Variants in ARID3A observed in about 807,000 individuals in gnomAD.
ARID3A encodes AT-rich interaction domain 3A.
Under a neutral mutation model 52.7 loss-of-function variants are expected in ARID3A, and 11 were observed. That is an observed-to-expected ratio of 0.21 (90% CI 0.13 to 0.35). The LOEUF is 0.35. ARID3A is among the 10% of genes least tolerant of loss of function. The pLI, the probability that ARID3A is intolerant of heterozygous loss-of-function variation, is 1.00. For synonymous variants in ARID3A, 404 were observed against 359.4 expected (o/e 1.12, Z -1.40); for missense variants, 721 against 838.5 (o/e 0.86, Z 1.73).
Position 952,604 on chromosome 19 carries a change from G to A in ARID3A, c.694-7488G>A, listed in dbSNP as rs571032163. Among the ~76,000 whole-genome samples the A allele has an allele frequency of 2.6e-5, 4 of 152,246 alleles. No homozygotes were observed. In the East Asian group the frequency reaches 7.7e-4, roughly 29 times the overall value. ...ACGCTAGACACTTGGATTCTTTCTTGGATTTCCCTGAATTCTGTGGCCAAA... is the reference window on the plus strand; with the variant it reads ...ACGCTAGACACTTGGATTCTTTCTTAGATTTCCCTGAATTCTGTGGCCAAA... On this transcript the variant is annotated intron_variant, in intron 3 of 8. Transcript: ENST00000263620.
intron 1 of ARID3A, among the ~76,000 whole-genome samples, chr19:926,697 C>T (rs2037207606): frequency 6.6e-6 from 1 of 151,098 alleles, no homozygotes; most frequent in Non-Finnish European, 1.5e-5. Flanking sequence ...TGGGTTGGGC[C>T]CGGGCGCCCG....
Position 938,247 on chromosome 19 carries a change from G to T in ARID3A, c.693+5505G>T, listed in dbSNP as rs1237486444. ...AGGATCTCTCCCTCTGCTTTCCAAA[G>T]TAAAGCTTGCTGCCCATGTAACTTG... On this transcript the variant is annotated intron_variant, in intron 3 of 8. Coordinates refer to ENST00000263620, the MANE Select transcript of ARID3A (RefSeq NM_005224.3). This position sits in a 1 kb window ranked among gnomAD's most constrained non-coding sequence, Gnocchi z 4.0. Among the ~76,000 whole-genome samples the T allele has an allele frequency of 1.3e-5, 2 of 152,210 alleles. No homozygotes were observed. The highest frequency in any genetic ancestry group is 2.9e-5 in the Non-Finnish European group (2 of 68,040).
rs2037581188 is a variant in ARID3A at position 942,638 on chromosome 19, G to A, written c.693+9896G>A. Among the ~76,000 whole-genome samples the A allele has an allele frequency of 6.6e-6, 1 of 152,220 alleles. No individual in the cohort carries two copies. The highest frequency in any genetic ancestry group is 1.9e-4 in the East Asian group (1 of 5,190). ...GTGGGCACAGGTGGGTGGGCAGGGA[G>A]TAGGTGGAGGCCGCCCCTCCCACTG... On this transcript the variant is annotated intron_variant, in intron 3 of 8. Transcript: ENST00000263620. The surrounding 1 kb of genome is among the most constrained non-coding windows in gnomAD (Gnocchi z 8.1).
At chr19:954,473 C>G (rs1054970209) in intron 3 of ARID3A, among the ~76,000 whole-genome samples, 2 of 152,258 alleles carry the variant, frequency 1.3e-5, no homozygotes, top group African/African-American at 4.8e-5. Flanking sequence ...GTTCATTTAA[C>G]ATGCATTTAT....
At chr19:971,482 C>T (rs945596612) in intron 8 of ARID3A, among the ~76,000 whole-genome samples, 2 of 151,608 alleles carry the variant, frequency 1.3e-5, no homozygotes, top group African/African-American at 2.4e-5. Flanking sequence ...TAGTGGCAGG[C>T]GCCTGTAGTT....
Position 972,723 on chromosome 19 carries a change from A to G in ARID3A, c.*658A>G. 1 of 198,806 alleles carries G rather than the reference A, an allele frequency of 5.0e-6. No homozygotes were observed. Among genetic ancestry groups the G allele is most frequent in the Non-Finnish European group, 1.0e-5 (1 of 97,858 alleles). 12.3% of individuals were successfully genotyped at this position (198,806 alleles called of 1,614,324 possible). On this transcript the variant is annotated 3_prime_UTR_variant, in exon 9 of 9. Transcript: ENST00000263620. ...CTTGGGGGGATCAAACCTTAGGAAA[A>G]GGATATCTATATATCTATATAGCTA...
intron 3 of ARID3A, among the ~76,000 whole-genome samples, chr19:936,697 C>T (rs1398048383): frequency 6.6e-6 from 1 of 152,180 alleles, no homozygotes; most frequent in East Asian, 1.9e-4. Flanking sequence ...AAAAAATTAG[C>T]CGGGCGTGGC....
At chr19:958,530 A>G (rs1599416553) in intron 3 of ARID3A, among the ~76,000 whole-genome samples, 1 of 152,160 alleles carries the variant, frequency 6.6e-6, no homozygotes, top group South Asian at 2.1e-4. Context: ...AAACGGGGGA[A>G]CTTACTGACA....
At chr19:968,720 T>C in intron 8 of ARID3A, 1 of 501,568 alleles carries the variant, frequency 2.0e-6, no homozygotes, top group Non-Finnish European at 3.6e-6. Context: ...CGTCCACAGA[T>C]ACATATTCAG....
At chr19:930,862 C>G (rs1264376041) in intron 2 of ARID3A, among the ~76,000 whole-genome samples, 2 of 152,112 alleles carry the variant, frequency 1.3e-5, no homozygotes, top group African/African-American at 4.8e-5. Flanking sequence ...ATGGCTACAG[C>G]AGATTCAGCG....
intron 3 of ARID3A, among the ~76,000 whole-genome samples, chr19:954,803 C>T (rs1044050176): frequency 9.7e-5 from 14 of 144,718 alleles, no homozygotes; most frequent in Middle Eastern, 3.3e-3. Context: ...ACAGCCGGGG[C>T]GAAGGCGGCC....
At chr19:967,116 G>A (rs527989942) in intron 7 of ARID3A, among the ~76,000 whole-genome samples, 4 of 152,084 alleles carry the variant, frequency 2.6e-5, no homozygotes, top group East Asian at 1.9e-4. Flanking sequence ...CAAATTAGCC[G>A]GGCGTGGCAG....
rs375321049 is a variant in ARID3A at position 947,442 on chromosome 19, G to A, written c.694-12650G>A. 2.8e-4 allele frequency among the ~76,000 whole-genome samples: 43 copies of A among 152,270 alleles called. No homozygotes were observed. In the East Asian group the frequency reaches 6.6e-3, roughly 23 times the overall value. On this transcript the variant is annotated intron_variant, in intron 3 of 8. Transcript: ENST00000263620. This position sits in a 1 kb window ranked among gnomAD's most constrained non-coding sequence, Gnocchi z 6.3. ...GGCCTGTCGCTGCCGTCCTGGACTCGTGGGCCTCAGTTTCCCCAACTGTGA... is the reference window on the plus strand; with the variant it reads ...GGCCTGTCGCTGCCGTCCTGGACTCATGGGCCTCAGTTTCCCCAACTGTGA...
At position 929,884 on chromosome 19, in the gene ARID3A, CCGA is replaced by C. The variant is rs2037285255; in HGVS notation, c.360_362del (p.Asp120del). The C allele has an allele frequency of 6.5e-7, 1 of 1,541,494 alleles. No homozygotes were observed. The highest frequency in any genetic ancestry group is 8.7e-7 in the Non-Finnish European group (1 of 1,146,856). On this transcript the variant is annotated inframe_deletion, in exon 2 of 9. Coordinates refer to ENST00000263620, the MANE Select transcript of ARID3A (RefSeq NM_005224.3). This position sits in a 1 kb window ranked among gnomAD's most constrained non-coding sequence, Gnocchi z 6.2. ...GAGGAGCACTTTGAGGACATGGCCT[CCGA>C]CGAGGACATGTGAGTTGGGGTCTGG...
intron 3 of ARID3A, among the ~76,000 whole-genome samples, chr19:952,711 G>T (rs2037827489): frequency 6.6e-6 from 1 of 152,210 alleles, no homozygotes; most frequent in Admixed American, 6.5e-5. Flanking sequence ...CTCATCCCCA[G>T]GTGGGGCCTC....
rs2038100925 is a variant in ARID3A at position 964,241 on chromosome 19, C to A, written c.767-7C>A. Reference sequence around the variant, plus strand: ...GCCCCCAACCTCCCTCTCGCCCCTTCCCCCAGGGACACCTGTGAACCGCAT... The same window carrying A: ...GCCCCCAACCTCCCTCTCGCCCCTTACCCCAGGGACACCTGTGAACCGCAT... On this transcript the variant is annotated splice_polypyrimidine_tract_variant and splice_region_variant and intron_variant, in intron 4 of 8. Transcript: ENST00000263620. The surrounding 1 kb of genome is among the most constrained non-coding windows in gnomAD (Gnocchi z 5.7). The A allele has an allele frequency of 6.2e-7, 1 of 1,606,362 alleles. No individual in the cohort carries two copies. Among genetic ancestry groups the A allele is most frequent in the South Asian group, 1.1e-5 (1 of 90,692 alleles).
Position 929,283 on chromosome 19 carries a change from A to T in ARID3A, c.-246A>T. 1 of 335,926 alleles carries T rather than the reference A, an allele frequency of 3.0e-6. No individual in the cohort carries two copies. The highest frequency in any genetic ancestry group is 4.7e-6 in the Non-Finnish European group (1 of 210,670). The allele number at this position is 335,926 out of a possible 1,614,324, so 20.8% of individuals were successfully genotyped here. ...TCAGGTTTCTGCAAATGCGTGAATGAGCCGGATGCCAGCCTCTGTCCCCTG... is the reference window on the plus strand; with the variant it reads ...TCAGGTTTCTGCAAATGCGTGAATGTGCCGGATGCCAGCCTCTGTCCCCTG... On this transcript the variant is annotated 5_prime_UTR_variant, in exon 2 of 9. An upstream open reading frame in the 5' UTR loses its in-frame stop. Transcript: ENST00000263620. The surrounding 1 kb of genome is among the most constrained non-coding windows in gnomAD (Gnocchi z 6.2).
chr19:932,165 C>T lies in ARID3A; in HGVS notation c.369-253C>T, dbSNP rs541154003. ...AGGTGTGCGCCACCGTGGCTGCCTG[C>T]GTGATGCTTTTCAAGGCCCCAAAAT... is the stretch of plus-strand genomic sequence containing the variant. On this transcript the variant is annotated intron_variant, in intron 2 of 8. Coordinates refer to ENST00000263620, the MANE Select transcript of ARID3A (RefSeq NM_005224.3). Among the ~76,000 whole-genome samples, 7 of 152,092 alleles carry T rather than the reference C, an allele frequency of 4.6e-5. No homozygotes were observed. In the South Asian group the frequency reaches 8.3e-4, roughly 18 times the overall value.
chr19:929,390 G>A lies in ARID3A; in HGVS notation c.-139G>A. ...CCCCGCCCCCGCCCCCTGCCACCCT[G>A]CACTGCCCCGGCTCCCCCGCGGCCC... On this transcript the variant is annotated 5_prime_UTR_variant, in exon 2 of 9. Transcript: ENST00000263620. This position sits in a 1 kb window ranked among gnomAD's most constrained non-coding sequence, Gnocchi z 6.2. The A allele has an allele frequency of 5.5e-6, 3 of 549,442 alleles. No individual in the cohort carries two copies. The highest frequency in any genetic ancestry group is 4.9e-6 in the Non-Finnish European group (2 of 405,200). The allele number at this position is 549,442 out of a possible 1,614,324, so 34.0% of individuals were successfully genotyped here. A position where few individuals can be genotyped will look rare whatever the true frequency, so the allele number is the denominator to read the frequency against.
Sources: gnomAD v4.1 joint callset for allele counts (sites outside exome capture counted in the v4.1 genomes callset) on GRCh38, gnomAD v4.1.1 for gene constraint, Gnocchi (gnomAD v3.1) non-coding constraint, MANE v1.5 for transcripts, NCBI Gene and HGNC (gene_info 2026-07-23, HGNC 2026-07-21) for gene names.